UBOX5: variants seen among roughly 807,000 people sequenced by gnomAD.
The protein encoded by UBOX5 is RING finger protein 37.
In UBOX5, 28 loss-of-function variants were observed where a neutral mutation model predicts 39.0. That is an observed-to-expected ratio of 0.72 (90% CI 0.53 to 0.98). The LOEUF (loss-of-function observed/expected upper bound fraction) is 0.98, where lower values mean the gene tolerates loss of function less well. UBOX5 is among the 50% of genes least tolerant of loss of function. The pLI is 0.00. For missense variants in UBOX5, 585 were observed against 674.4 expected (o/e 0.87, Z 1.47); for synonymous variants, 283 against 275.5 (o/e 1.03, Z -0.27).
intron 1 of UBOX5, chr20:3,146,873 A>G (rs2066568557): frequency 1.2e-6 from 2 of 1,614,042 alleles, no homozygotes; most frequent in Non-Finnish European, 1.7e-6. Flanking sequence ...GGATAACTCT[A>G]CCACACGGTA....
Position 3,132,589 on chromosome 20 carries a change from C to T in UBOX5, c.-41-9183G>A, listed in dbSNP as rs536057120. Among the ~76,000 whole-genome samples, 8 of 151,744 alleles carry T rather than the reference C, an allele frequency of 5.3e-5. No individual in the cohort carries two copies. In the South Asian group the frequency reaches 6.2e-4, roughly 12 times the overall value. ...ATCCCAGCACTTTGGGTGGCTGAGG[C>T]GGGCAGATCACTTGAGGTCAGGAGT... On this transcript the variant is annotated intron_variant, in intron 1 of 4. Transcript: ENST00000217173.
Position 3,109,678 on chromosome 20 carries a change from C to A in UBOX5, c.*428G>T, listed in dbSNP as rs920695831. The A allele has an allele frequency of 1.8e-5, 4 of 225,516 alleles. No individual in the cohort carries two copies. Among genetic ancestry groups the A allele is most frequent in the African/African-American group, 9.0e-5 (4 of 44,672 alleles). 14.0% of individuals were successfully genotyped at this position (225,516 alleles called of 1,614,324 possible). ...CTGAGTCATGCACTCCACAGACACC[C>A]CCACTGCTCCCAAGGTCCACTTTTG... is the stretch of plus-strand genomic sequence containing the variant. On this transcript the variant is annotated 3_prime_UTR_variant, in exon 5 of 5. Transcript: ENST00000217173.
chr20:3,136,645 G>A (rs959886385), intron 1 of UBOX5, among the ~76,000 whole-genome samples: 3 of 150,056 alleles, frequency 2.0e-5, no homozygotes, highest in Admixed American at 1.3e-4. Context: ...GTGAGCCACT[G>A]TGCCCGGCCT....
At chr20:3,152,921 G>A (rs1363097041) in intron 1 of UBOX5, among the ~76,000 whole-genome samples, 5 of 151,060 alleles carry the variant, frequency 3.3e-5, no homozygotes, top group African/African-American at 1.2e-4. Flanking sequence ...AAAAAAAGTA[G>A]ATCCTAAAAA....
At chr20:3,116,490 A>T (rs1440801471) in intron 3 of UBOX5, 1 of 152,228 alleles carries the variant, frequency 6.6e-6, no homozygotes, top group Non-Finnish European at 1.5e-5. Context: ...TGTTTGCAGG[A>T]CACAGGACAT....
chr20:3,129,738 C>T (rs2066415401), intron 1 of UBOX5, among the ~76,000 whole-genome samples: 1 of 152,166 alleles, frequency 6.6e-6, no homozygotes, highest in Non-Finnish European at 1.5e-5. Flanking sequence ...GGTCTCAGTA[C>T]TAGAAGAGTT....
In UBOX5 at chr20:3,108,647, CA is replaced by C; in HGVS notation, c.*1458del. 1 of 152,242 alleles carries C rather than the reference CA, an allele frequency of 6.6e-6. No homozygotes were observed. Among genetic ancestry groups the C allele is most frequent in the Non-Finnish European group, 1.5e-5 (1 of 68,038 alleles). 9.4% of individuals were successfully genotyped at this position (152,242 alleles called of 1,614,324 possible). On this transcript the variant is annotated 3_prime_UTR_variant, in exon 5 of 5. Transcript: ENST00000217173. ...TTTGTGGACAAATGATGTAGGAACT[CA>C]AAAAAATGCAGGCTTGGCTAGGCGA...
chr20:3,111,773 C>T (rs916657953), intron 4 of UBOX5: 1 of 152,300 alleles, frequency 6.6e-6, no homozygotes, highest in Non-Finnish European at 1.5e-5. Flanking sequence ...TACTTCCTCC[C>T]CAGGCTTTGC....
intron 1 of UBOX5, among the ~76,000 whole-genome samples, chr20:3,143,095 GT>G (rs2066531642): frequency 8.2e-6 from 1 of 121,534 alleles, no homozygotes; most frequent in African/African-American, 3.0e-5. Flanking sequence ...TTAATCATCT[GT>G]CTTTTTTTTT....
At chr20:3,126,543 AAAAG>A (rs1335756957) in intron 1 of UBOX5, among the ~76,000 whole-genome samples, 12 of 151,556 alleles carry the variant, frequency 7.9e-5, no homozygotes, top group South Asian at 2.1e-4. Context: ...AAAGAAAAAA[AAAAG>A]AAAGGAAGGA....
chr20:3,145,584 G>GGA (rs2066554419), intron 1 of UBOX5, among the ~76,000 whole-genome samples: 1 of 152,014 alleles, frequency 6.6e-6, no homozygotes, highest in Non-Finnish European at 1.5e-5. Context: ...GACTGCGGGG[G>GGA]CACACCACCA....
intron 1 of UBOX5, chr20:3,148,903 A>G: frequency 1.2e-6 from 2 of 1,614,122 alleles, no homozygotes; most frequent in East Asian, 2.2e-5. Flanking sequence ...ATATGTTCTT[A>G]ACTTTTTTGG....
At chr20:3,115,736 T>C (rs1457746479) in intron 3 of UBOX5, among the ~76,000 whole-genome samples, 6 of 148,246 alleles carry the variant, frequency 4.0e-5, no homozygotes, top group African/African-American at 1.2e-4. Context: ...GTGGCTCAAC[T>C]GCAGAACTGC....
At chr20:3,133,104 A>T (rs2066442530) in intron 1 of UBOX5, among the ~76,000 whole-genome samples, 1 of 152,204 alleles carries the variant, frequency 6.6e-6, no homozygotes, top group Admixed American at 6.5e-5. Context: ...GATCTTTTTT[A>T]AAAATATCTT....
In UBOX5 at chr20:3,109,973, G is replaced by A; in HGVS notation, c.*133C>T. 9.6e-7 allele frequency: 1 copy of A among 1,039,860 alleles called. No individual in the cohort carries two copies. Among genetic ancestry groups the A allele is most frequent in the East Asian group, 2.6e-5 (1 of 39,206 alleles). 64.4% of individuals were successfully genotyped at this position (1,039,860 alleles called of 1,614,324 possible). ...GCAATGTGCTATACCGTGAGGTGAT[G>A]AAGAAGAGCCCCGGGAGGGAGCAGG... is the stretch of plus-strand genomic sequence containing the variant. On this transcript the variant is annotated 3_prime_UTR_variant, in exon 5 of 5. Transcript: ENST00000217173.
At position 3,115,295 on chromosome 20, in the gene UBOX5, C is replaced by T. The variant is rs767028159; in HGVS notation, c.1417+10G>A. The stretch of plus-strand genomic sequence containing the variant: ...CCAAGGCTCCAAGGAGATGGCGGGG[C>T]CCATGTTACCCGAGCCGGTGCCAGG... On this transcript the variant is annotated intron_variant, in intron 4 of 4. Transcript: ENST00000217173. 73 of 1,607,110 alleles carry T rather than the reference C, an allele frequency of 4.5e-5. No homozygotes were observed. Among genetic ancestry groups the T allele is most frequent in the Non-Finnish European group, 5.9e-5 (70 of 1,177,074 alleles).
chr20:3,134,833 C>G (rs975071875), intron 1 of UBOX5, among the ~76,000 whole-genome samples: 4 of 151,846 alleles, frequency 2.6e-5, no homozygotes, highest in Non-Finnish European at 5.9e-5. Context: ...CCACTGCACT[C>G]CAGCCTGGGC....
intron 1 of UBOX5, among the ~76,000 whole-genome samples, chr20:3,152,885 G>C (rs920736012): frequency 1.4e-4 from 21 of 149,760 alleles, no homozygotes; most frequent in Non-Finnish European, 3.0e-4. Context: ...CAGCCTGGGC[G>C]AAAGAGCAAG....
intron 1 of UBOX5, among the ~76,000 whole-genome samples, chr20:3,152,903 C>CA (rs200186346): frequency 0.05 from 5,848 of 117,842 alleles, 154 homozygotes; most frequent in Non-Finnish European, 0.074. Context: ...AAGACTGTCT[C>CA]AAAAAAAAAA....
Sources: allele counts gnomAD v4.1 joint callset (sites outside exome capture counted in the v4.1 genomes callset), GRCh38; gene constraint gnomAD v4.1.1; transcripts MANE v1.5; gene names NCBI Gene and HGNC (gene_info 2026-07-23, HGNC 2026-07-21).